Variants in RTTN observed in about 807,000 individuals in gnomAD.
The protein encoded by RTTN is rotatin.
Under a neutral mutation model 269.2 loss-of-function variants are expected in RTTN, and 182 were observed. That is an observed-to-expected ratio of 0.68 (90% CI 0.60 to 0.76). The LOEUF is 0.76. RTTN is among the 30% of genes least tolerant of loss of function. RTTN has a pLI of 0.00. For synonymous variants in RTTN, 1,006 were observed against 963.5 expected (o/e 1.04, Z -0.82); for missense variants, 2,545 against 2,608.6 (o/e 0.98, Z 0.53).
At chr18:70,198,979 G>C (rs1414236751) in intron 5 of RTTN, among the ~76,000 whole-genome samples, 1 of 152,166 alleles carries the variant, frequency 6.6e-6, no homozygotes, top group African/African-American at 2.4e-5. Context: ...TTGAGATTAA[G>C]AGTTGAAGAC....
chr18:70,051,375 C>T (rs2057661792), intron 39 of RTTN, 36 bp downstream of exon 39: 2 of 1,570,260 alleles, frequency 1.3e-6, no homozygotes, highest in Non-Finnish European at 1.7e-6. Context: ...GTTTTATTAG[C>T]AGAAAGCCCC....
chr18:70,019,465 A>T (rs2056639087), intron 45 of RTTN: 1 of 152,254 alleles, frequency 6.6e-6, no homozygotes, highest in South Asian at 2.1e-4. Context: ...ATGTATATGA[A>T]TACATATATG....
Position 70,127,562 on chromosome 18 carries a change from C to T in RTTN, c.3323G>A (p.Gly1108Asp). The change falls in exon 25 of 49, where the codon GGT (glycine) becomes GAT (aspartate). Residue 1108 changes from glycine to aspartate, a missense_variant. Physicochemically the swap from Gly to Asp is moderately conservative, Grantham distance 94 (BLOSUM62 -1). Coordinates refer to ENST00000640769, the MANE Select transcript of RTTN (RefSeq NM_173630.4). ...YLLNDRLSLKGCPGPCGVTLK... is the reference protein window; with the variant it reads ...YLLNDRLSLKDCPGPCGVTLK... ...GGTAACCCCACATGGACCAGGGCAA[C>T]CCTTTAAAGACAATCTGTCATTCAG... 6.2e-7 allele frequency: 1 copy of T among 1,613,436 alleles called. No individual in the cohort carries two copies. Among genetic ancestry groups the T allele is most frequent in the Non-Finnish European group, 8.5e-7 (1 of 1,179,668 alleles).
intron 25 of RTTN, among the ~76,000 whole-genome samples, chr18:70,125,558 T>C (rs1439358328): frequency 6.6e-6 from 1 of 152,028 alleles, no homozygotes; most frequent in Non-Finnish European, 1.5e-5. Flanking sequence ...ATTTTTAAAA[T>C]ACAATAAAAA....
At position 70,160,726 on chromosome 18, in the gene RTTN, C is replaced by T. The variant is rs141776671; in HGVS notation, c.1929+5336G>A. On this transcript the variant is annotated intron_variant, in intron 14 of 48. Transcript: ENST00000640769. ...AGTTCTTAGAACTGATAAATGACTTCGGTGAAGTTCCAAGATATAAAATCA... is the reference window on the plus strand; with the variant it reads ...AGTTCTTAGAACTGATAAATGACTTTGGTGAAGTTCCAAGATATAAAATCA... Among the ~76,000 whole-genome samples the T allele has an allele frequency of 2.6e-3, 389 of 150,108 alleles. 1 individual carries two copies. The highest frequency in any genetic ancestry group is 9.1e-3 in the African/African-American group (372 of 40,982).
In RTTN at chr18:70,065,519, C is replaced by A. The variant is rs191640631; in HGVS notation, c.4747+310G>T. Among the ~76,000 whole-genome samples the A allele has an allele frequency of 6.6e-5, 10 of 152,106 alleles. No individual in the cohort carries two copies. The East Asian group carries it at 1.5e-3, about 24-fold the overall frequency. On this transcript the variant is annotated intron_variant, in intron 35 of 48. Coordinates refer to ENST00000640769, the MANE Select transcript of RTTN (RefSeq NM_173630.4). ...TGGATTACTTGTAGCAAAGTGTTTT[C>A]TCAAAAGAAGGGAAAAAATAAAGTT...
chr18:70,105,378 T>A (rs1441281169), intron 28 of RTTN, among the ~76,000 whole-genome samples: 2 of 152,288 alleles, frequency 1.3e-5, no homozygotes, highest in East Asian at 3.9e-4. Flanking sequence ...GTGTCCCAAT[T>A]TTCCAGGTAC....
intron 40 of RTTN, among the ~76,000 whole-genome samples, chr18:70,047,549 C>T (rs2057525019): frequency 6.6e-6 from 1 of 152,192 alleles, no homozygotes; most frequent in African/African-American, 2.4e-5. Context: ...ATACATGTAA[C>T]CAACCCCAAA....
intron 28 of RTTN, among the ~76,000 whole-genome samples, chr18:70,097,575 T>C (rs1599524374): frequency 6.6e-6 from 1 of 152,368 alleles, no homozygotes; most frequent in East Asian, 1.9e-4. Context: ...CTGCTCGAGA[T>C]GTTTTATGAA....
In RTTN at chr18:70,193,176, CAAAAAAAAAA is replaced by C. The variant is rs35759421; in HGVS notation, c.1007+102_1007+111del. Reference sequence around the variant, plus strand: ...AAGGCCTATACCTGTGTTAATGTTTCAAAAAAAAAAAAAAAAAAAAGGACAGAAAAATAAT... The same window carrying C: ...AAGGCCTATACCTGTGTTAATGTTTCAAAAAAAAAAGGACAGAAAAATAAT... On this transcript the variant is annotated intron_variant, in intron 8 of 48. Coordinates refer to ENST00000640769, the MANE Select transcript of RTTN (RefSeq NM_173630.4). The C allele has an allele frequency of 0.026, 17,106 of 660,872 alleles. 267 individuals carry two copies. The highest frequency in any genetic ancestry group is 0.058 in the South Asian group (2,335 of 40,404). 40.9% of individuals were successfully genotyped at this position (660,872 alleles called of 1,614,324 possible). A position where few individuals can be genotyped will look rare whatever the true frequency, so the allele number is the denominator to read the frequency against.
intron 39 of RTTN, among the ~76,000 whole-genome samples, chr18:70,048,594 T>C (rs1467825954): frequency 6.6e-6 from 1 of 151,580 alleles, no homozygotes; most frequent in Non-Finnish European, 1.5e-5. Flanking sequence ...ATTGGATTTA[T>C]AATTTTGTTT....
intron 7 of RTTN, among the ~76,000 whole-genome samples, chr18:70,195,905 T>C (rs2061793332): frequency 6.6e-6 from 1 of 152,092 alleles, no homozygotes; most frequent in South Asian, 2.1e-4. Flanking sequence ...GAAATAGGGA[T>C]TAACTATGAA....
intron 6 of RTTN, among the ~76,000 whole-genome samples, 173 bp from the exon 7 acceptor site, chr18:70,196,821 AG>A (rs1378254392): frequency 2.6e-5 from 4 of 152,218 alleles, no homozygotes; most frequent in African/African-American, 9.6e-5. Flanking sequence ...GCATAAAGCA[AG>A]GAGATGGGTC....
intron 10 of RTTN, among the ~76,000 whole-genome samples, chr18:70,181,097 T>A (rs760477091): frequency 6.6e-6 from 1 of 152,206 alleles, no homozygotes; most frequent in Non-Finnish European, 1.5e-5. Flanking sequence ...GATACAAAGA[T>A]CTTTAGTTTC....
intron 32 of RTTN, among the ~76,000 whole-genome samples, chr18:70,076,271 T>C (rs1033942770): frequency 2.0e-5 from 3 of 152,034 alleles, no homozygotes; most frequent in Non-Finnish European, 4.4e-5. Context: ...AATATTTCTA[T>C]TTTCTGGGAA....
At chr18:70,201,778 TAGTTTGGTGCTGAAACATTCA>T (rs1345185160) in intron 4 of RTTN, 95 bp downstream of exon 4, 5 of 634,198 alleles carry the variant, frequency 7.9e-6, no homozygotes, top group Non-Finnish European at 1.4e-5. Context: ...CATTTAATGA[TAGTTTGGTGCTGAAACATTCA>T]AGTTTGGTAA....
chr18:70,145,824 C>T, intron 17 of RTTN, 41 bp from the exon 18 acceptor site: 3 of 1,500,034 alleles, frequency 2.0e-6, no homozygotes, highest in South Asian at 1.3e-5. Context: ...TCGTGATATG[C>T]AAATGTCTAT....
intron 40 of RTTN, 38 bp downstream of exon 40, chr18:70,047,933 G>A (rs747288115): frequency 7.4e-6 from 11 of 1,487,400 alleles, no homozygotes; most frequent in Non-Finnish European, 1.0e-5. Flanking sequence ...TTATTTAAAC[G>A]CTAAATAAAG....
At chr18:70,191,899 T>C (rs1248779957) in intron 8 of RTTN, among the ~76,000 whole-genome samples, 2 of 152,152 alleles carry the variant, frequency 1.3e-5, no homozygotes, top group African/African-American at 2.4e-5. Flanking sequence ...CTTAGAAGCA[T>C]GAAGCACACA....
Sources: allele counts gnomAD v4.1 joint callset (sites outside exome capture counted in the v4.1 genomes callset), GRCh38; gene constraint gnomAD v4.1.1; transcripts MANE v1.5; gene names NCBI Gene and HGNC (gene_info 2026-07-23, HGNC 2026-07-21).